Variants in CCDC175 observed in about 807,000 individuals in gnomAD.
CCDC175 encodes the protein coiled-coil domain containing 175, also known as coiled-coil domain-containing protein 175.
CCDC175 carries 100 observed loss-of-function variants against 114.6 expected under a neutral mutation model. That is an observed-to-expected ratio of 0.87 (90% CI 0.74 to 1.03). CCDC175 has a LOEUF of 1.03. CCDC175 is among the 50% of genes least tolerant of loss of function. CCDC175 has a pLI of 0.00. For synonymous variants in CCDC175, 306 were observed against 308.7 expected (o/e 0.99, Z 0.09); for missense variants, 880 against 917.8 (o/e 0.96, Z 0.53).
At chr14:59,521,531 G>T (rs375466869) in intron 17 of CCDC175, 43 bp downstream of exon 17, 2 of 1,102,492 alleles carry the variant, frequency 1.8e-6, no homozygotes, top group African/African-American at 1.6e-5. Context: ...GTTCTGTCCC[G>T]CTAAAGAACC....
chr14:59,511,675 CA>C (rs1892759993), intron 18 of CCDC175, 84 bp downstream of exon 18: 1 of 1,156,870 alleles, frequency 8.6e-7, no homozygotes, highest in African/African-American at 1.5e-5. Flanking sequence ...CACACAGACA[CA>C]AAAGCACACA....
chr14:59,575,914 C>T lies in CCDC175; in HGVS notation c.157+705G>A, dbSNP rs1897093324. The stretch of plus-strand genomic sequence containing the variant: ...AAAAACTATCCCAAATTAATAGTAA[C>T]ATTGTAACATAAATCAATACGATTA... On this transcript the variant is annotated intron_variant, in intron 1 of 19. Transcript: ENST00000537690. 2.0e-5 allele frequency among the ~76,000 whole-genome samples: 3 copies of T among 152,158 alleles called. No homozygotes were observed. In the South Asian group the frequency reaches 6.2e-4, roughly 32 times the overall value.
chr14:59,552,237 C>T (rs183723259), intron 7 of CCDC175, among the ~76,000 whole-genome samples: 13 of 152,326 alleles, frequency 8.5e-5, no homozygotes, highest in East Asian at 1.9e-4. Context: ...CAGACTGACA[C>T]GTCAACTGGC....
chr14:59,545,367 G>C, intron 8 of CCDC175, 68 bp from the exon 9 acceptor site: 7 of 1,447,790 alleles, frequency 4.8e-6, no homozygotes, highest in Non-Finnish European at 6.5e-6. Flanking sequence ...ATCTGCATCA[G>C]GTGGCAACTC....
intron 17 of CCDC175, among the ~76,000 whole-genome samples, chr14:59,518,488 C>T (rs1893236835): frequency 6.6e-6 from 1 of 151,960 alleles, no homozygotes; most frequent in African/African-American, 2.4e-5. Context: ...AAAAACAAGC[C>T]CATCAACAAG....
At chr14:59,538,963 T>C (rs1894586340) in intron 11 of CCDC175, 123 bp from the exon 12 acceptor site, 1 of 797,250 alleles carries the variant, frequency 1.3e-6, no homozygotes, top group Non-Finnish European at 1.9e-6. Flanking sequence ...CTATTAGTGT[T>C]GCAGACTACA....
chr14:59,521,760 A>G (rs759609240), intron 16 of CCDC175, 84 bp from the exon 17 acceptor site: 2 of 772,076 alleles, frequency 2.6e-6, no homozygotes, highest in Non-Finnish European at 4.3e-6. Context: ...AAACATGTAT[A>G]AATTCCTCCT....
chr14:59,508,209 G>A (rs776416773), intron 19 of CCDC175, among the ~76,000 whole-genome samples: 4 of 151,942 alleles, frequency 2.6e-5, no homozygotes, highest in Non-Finnish European at 4.4e-5. Flanking sequence ...GGTGCCCCCT[G>A]ACCCCTTCTT....
chr14:59,568,333 T>C lies in CCDC175; in HGVS notation c.403A>G (p.Ile135Val). The change falls in exon 4 of 20, where the codon ATA (isoleucine) becomes GTA (valine). Residue 135 changes from isoleucine to valine, a missense_variant. Coordinates refer to ENST00000537690, the MANE Select transcript of CCDC175 (RefSeq NM_001164399.2). Reference sequence around the variant, plus strand: ...TCTGTCCTTGTAATTCTCATTTTTATTGTATTTATCTCAAAAAGATTTAAT... The same window carrying C: ...TCTGTCCTTGTAATTCTCATTTTTACTGTATTTATCTCAAAAAGATTTAAT... ...RRLNLFEINTIKMRITRTENE... is the reference protein window; with the variant it reads ...RRLNLFEINTVKMRITRTENE... The C allele has an allele frequency of 6.5e-7, 1 of 1,533,174 alleles. No homozygotes were observed. The highest frequency in any genetic ancestry group is 8.7e-7 in the Non-Finnish European group (1 of 1,145,350). The allele number at this position is 1,533,174 out of a possible 1,614,324, so 95.0% of individuals were successfully genotyped here.
intron 3 of CCDC175, among the ~76,000 whole-genome samples, chr14:59,571,137 T>A (rs1480524568): frequency 9.0e-5 from 9 of 100,438 alleles, no homozygotes; most frequent in African/African-American, 3.2e-4. Context: ...ACCCCAAATA[T>A]GAAATTTACC....
Position 59,563,802 on chromosome 14 carries a change from T to C in CCDC175, c.778A>G (p.Lys260Glu). 2.1e-6 allele frequency: 3 copies of C among 1,439,410 alleles called. No homozygotes were observed. Among genetic ancestry groups the C allele is most frequent in the Non-Finnish European group, 2.7e-6 (3 of 1,095,230 alleles). The allele number at this position is 1,439,410 out of a possible 1,614,324, so 89.2% of individuals were successfully genotyped here. A position where few individuals can be genotyped will look rare whatever the true frequency, so the allele number is the denominator to read the frequency against. Residue 260 changes from lysine to glutamate, a missense_variant, in exon 6 of 20, where the codon AAA becomes GAA. By Grantham distance (56) the Lys-to-Glu change is moderately conservative. Transcript: ENST00000537690. ...TTAGTTTGTAATTTATCCAATTCTT[T>C]CTTCTTTTGATAAGTCTCCATTCTC... is the stretch of plus-strand genomic sequence containing the variant. ...VKRMETYQKK[K>E]ELDKLQTKMS... is the part of the protein sequence containing the mutation.
intron 13 of CCDC175, among the ~76,000 whole-genome samples, chr14:59,533,986 TTA>T (rs1491433753): frequency 0.019 from 175 of 9,358 alleles, no homozygotes; most frequent in Middle Eastern, 0.1. Context: ...GAGACCCCTT[TTA>T]AAAAAAAAAA....
At chr14:59,551,666 G>C (rs12887488) in intron 7 of CCDC175, among the ~76,000 whole-genome samples, 1 of 152,140 alleles carries the variant, frequency 6.6e-6, no homozygotes, top group Admixed American at 6.5e-5. Flanking sequence ...GAAGCAGGGC[G>C]AGGCATCACC....
chr14:59,513,427 G>T (rs1892866196), intron 17 of CCDC175, among the ~76,000 whole-genome samples: 1 of 152,182 alleles, frequency 6.6e-6, no homozygotes, highest in Admixed American at 6.5e-5. Flanking sequence ...TCAAAGAAAG[G>T]GGTGATGGAT....
intron 19 of CCDC175, 72 bp downstream of exon 19, chr14:59,510,574 T>C: frequency 6.9e-7 from 1 of 1,455,668 alleles, no homozygotes; most frequent in Non-Finnish European, 9.3e-7. Context: ...TTTTTTCTTC[T>C]TTTGATGTTA....
chr14:59,558,710 T>C (rs1216619818), intron 7 of CCDC175, among the ~76,000 whole-genome samples: 1 of 152,118 alleles, frequency 6.6e-6, no homozygotes, highest in African/African-American at 2.4e-5. Flanking sequence ...AAGACAGATA[T>C]ATAATAGACA....
Position 59,513,964 on chromosome 14 carries a change from A to G in CCDC175, c.2099-2161T>C, listed in dbSNP as rs185215396. 2.2e-3 allele frequency among the ~76,000 whole-genome samples: 336 copies of G among 152,284 alleles called. 7 individuals are homozygous for G. In the East Asian group the frequency reaches 0.031, roughly 14 times the overall value. ...ACATGGCCGGGTACTCCTCTGAGAC[A>G]AAACTTCCAGAGGCATGATCAGGCA... On this transcript the variant is annotated intron_variant, in intron 17 of 19. Coordinates refer to ENST00000537690, the MANE Select transcript of CCDC175 (RefSeq NM_001164399.2).
At chr14:59,574,152 G>GAT (rs752312095) in intron 2 of CCDC175, among the ~76,000 whole-genome samples, 12 of 152,202 alleles carry the variant, frequency 7.9e-5, no homozygotes, top group Admixed American at 1.3e-4. Flanking sequence ...ATGTAGTATA[G>GAT]ATATATATAT....
intron 6 of CCDC175, among the ~76,000 whole-genome samples, chr14:59,563,356 G>C (rs138687590): frequency 6.6e-6 from 1 of 152,168 alleles, no homozygotes; most frequent in Non-Finnish European, 1.5e-5. Flanking sequence ...CCTAAACTCT[G>C]TTCTATTATT....
Sources: gnomAD v4.1 joint callset for allele counts (sites outside exome capture counted in the v4.1 genomes callset) on GRCh38, gnomAD v4.1.1 for gene constraint, MANE v1.5 for transcripts, NCBI Gene and HGNC (gene_info 2026-07-23, HGNC 2026-07-21) for gene names.